The following GJB7 variants were observed in gnomAD, a reference collection of about 807,000 sequenced individuals.
The protein encoded by GJB7 is gap junction beta-7 protein.
For missense variants in GJB7, 253 were observed against 256.8 expected (o/e 0.99, Z 0.10); for synonymous variants, 87 against 95.2 (o/e 0.91, Z 0.50).
intron 2 of GJB7, among the ~76,000 whole-genome samples, chr6:87,287,496 G>A (rs943400106): frequency 1.3e-5 from 2 of 152,178 alleles, no homozygotes; most frequent in African/African-American, 4.8e-5. Flanking sequence ...AAAGCTACAT[G>A]TACACAATGC....
intron 2 of GJB7, among the ~76,000 whole-genome samples, chr6:87,296,144 T>G (rs1562210388): frequency 6.6e-6 from 1 of 152,238 alleles, no homozygotes; most frequent in Non-Finnish European, 1.5e-5. Flanking sequence ...GTGACTATAG[T>G]CAGGTGACAG....
Position 87,328,268 on chromosome 6 carries a change from C to T in GJB7, c.-206+870G>A, listed in dbSNP as rs980335385. Among the ~76,000 whole-genome samples, 9 of 151,696 alleles carry T rather than the reference C, an allele frequency of 5.9e-5. No individual in the cohort carries two copies. In the East Asian group the frequency reaches 7.8e-4, roughly 13 times the overall value. ...CTCTCAGCTCGTCAAAGTCATTCTC[C>T]GTCCAACTTTGTTCCGTTGCTCGTG... is the stretch of plus-strand genomic sequence containing the variant. On this transcript the variant is annotated intron_variant, in intron 1 of 2. Coordinates refer to ENST00000525899, the MANE Select transcript of GJB7 (RefSeq NM_198568.3).
chr6:87,308,551 G>T (rs1023162930), intron 2 of GJB7, among the ~76,000 whole-genome samples: 5 of 152,004 alleles, frequency 3.3e-5, no homozygotes, highest in African/African-American at 4.8e-5. Flanking sequence ...TAACAAAAAA[G>T]AAAAAGACAT....
chr6:87,300,037 G>T, intron 2 of GJB7: 1 of 332,646 alleles, frequency 3.0e-6, no homozygotes, highest in Non-Finnish European at 5.9e-6. Context: ...CCTTAATGCT[G>T]TAAGAGCTGC....
At chr6:87,328,897 C>T in intron 1 of GJB7, among the ~76,000 whole-genome samples, 1 of 152,228 alleles carries the variant, frequency 6.6e-6, no homozygotes, top group Non-Finnish European at 1.5e-5. Context: ...TGCTAGCAAT[C>T]AGCCAGACTC....
At chr6:87,325,174 A>G (rs1166184599) in intron 1 of GJB7, among the ~76,000 whole-genome samples, 4 of 152,122 alleles carry the variant, frequency 2.6e-5, no homozygotes, top group African/African-American at 7.3e-5. Flanking sequence ...GGGCTGAGAC[A>G]ATGGGGTTTT....
At chr6:87,308,791 C>A (rs895784651) in intron 2 of GJB7, among the ~76,000 whole-genome samples, 1 of 151,348 alleles carries the variant, frequency 6.6e-6, no homozygotes, top group Non-Finnish European at 1.5e-5. Context: ...ACAGAGAAGA[C>A]CTTAAAGGCA....
chr6:87,301,973 C>T lies in GJB7; in HGVS notation c.-27-17034G>A, dbSNP rs540444499. Among the ~76,000 whole-genome samples the T allele has an allele frequency of 1.1e-4, 16 of 152,352 alleles. No individual in the cohort carries two copies. In the South Asian group the frequency reaches 3.3e-3, roughly 32 times the overall value. ...ACAGACCTGCACCTGAGGGTCCTAA[C>T]TGTCAGAAGGAAAACTAACAAACAC... is the stretch of plus-strand genomic sequence containing the variant. On this transcript the variant is annotated intron_variant, in intron 2 of 2. Transcript: ENST00000525899.
At chr6:87,290,968 C>A (rs949802766) in intron 2 of GJB7, among the ~76,000 whole-genome samples, 1 of 152,152 alleles carries the variant, frequency 6.6e-6, no homozygotes, top group Non-Finnish European at 1.5e-5. Flanking sequence ...CGGGTATGCT[C>A]AAGAGAAAGC....
At chr6:87,328,265 C>T (rs575467201) in intron 1 of GJB7, among the ~76,000 whole-genome samples, 1 of 151,756 alleles carries the variant, frequency 6.6e-6, no homozygotes, top group South Asian at 2.1e-4. Context: ...CAAAGTCATT[C>T]TCCGTCCAAC....
At chr6:87,305,179 A>C (rs1776404217) in intron 2 of GJB7, among the ~76,000 whole-genome samples, 1 of 152,206 alleles carries the variant, frequency 6.6e-6, no homozygotes, top group Non-Finnish European at 1.5e-5. Context: ...TCACCAGGGC[A>C]ATCAGGCAGG....
chr6:87,294,269 T>C (rs1776219510), intron 2 of GJB7, among the ~76,000 whole-genome samples: 1 of 152,246 alleles, frequency 6.6e-6, no homozygotes, highest in Non-Finnish European at 1.5e-5. Flanking sequence ...CGCTGCAAGA[T>C]AATCAGAAAG....
intron 2 of GJB7, among the ~76,000 whole-genome samples, chr6:87,303,077 A>G (rs991687286): frequency 6.6e-6 from 1 of 152,240 alleles, no homozygotes; most frequent in African/African-American, 2.4e-5. Context: ...AAAACATGCC[A>G]AATTGTAAAG....
In GJB7 at chr6:87,290,057, G is replaced by A. The variant is rs6923802; in HGVS notation, c.-27-5118C>T. Among the ~76,000 whole-genome samples the A allele has an allele frequency of 5.8e-3, 879 of 152,214 alleles. 5 individuals carry two copies. Among genetic ancestry groups the A allele is most frequent in the African/African-American group, 0.02 (841 of 41,524 alleles). On this transcript the variant is annotated intron_variant, in intron 2 of 2. Coordinates refer to ENST00000525899, the MANE Select transcript of GJB7 (RefSeq NM_198568.3). Reference sequence around the variant, plus strand: ...CTTAGTAACAAAATGCTCATCCTTGGGCACTTGACCATTTATGCAGCATTT... The same window carrying A: ...CTTAGTAACAAAATGCTCATCCTTGAGCACTTGACCATTTATGCAGCATTT...
At chr6:87,323,973 C>G (rs143093137) in intron 1 of GJB7, among the ~76,000 whole-genome samples, 91,805 of 147,786 alleles carry the variant, frequency 0.62, 29,048 homozygotes, top group African/African-American at 0.69. Flanking sequence ...ATTCTAACTG[C>G]TGTGAGATGG....
At chr6:87,286,761 G>T (rs1776068127) in intron 2 of GJB7, among the ~76,000 whole-genome samples, 1 of 152,042 alleles carries the variant, frequency 6.6e-6, no homozygotes, top group African/African-American at 2.4e-5. Context: ...CTGAAAGGTG[G>T]TTTTTGTTTT....
intron 1 of GJB7, among the ~76,000 whole-genome samples, 188 bp downstream of exon 1, chr6:87,328,950 C>T (rs986783577): frequency 6.6e-6 from 1 of 152,220 alleles, no homozygotes; most frequent in South Asian, 2.1e-4. Flanking sequence ...GATATAATCT[C>T]GTGGTGCGCC....
At chr6:87,305,666 G>GA (rs1206292268) in intron 2 of GJB7, among the ~76,000 whole-genome samples, 1 of 152,138 alleles carries the variant, frequency 6.6e-6, no homozygotes, top group Non-Finnish European at 1.5e-5. Context: ...CACAGAATTG[G>GA]AAAAAGCTAC....
chr6:87,309,058 T>C (rs184034208), intron 2 of GJB7, among the ~76,000 whole-genome samples: 9 of 152,320 alleles, frequency 5.9e-5, no homozygotes, highest in Admixed American at 2.6e-4. Context: ...TTCTTGCATG[T>C]TTCCGATTGG....
Sources: gnomAD v4.1 joint callset for allele counts (sites outside exome capture counted in the v4.1 genomes callset) on GRCh38, gnomAD v4.1.1 for gene constraint, MANE v1.5 for transcripts, NCBI Gene and HGNC (gene_info 2026-07-23, HGNC 2026-07-21) for gene names.